Variants in PPP1R9A observed in about 807,000 individuals in gnomAD.
PPP1R9A encodes the protein neurabin-1.
Under a neutral mutation model 141.9 loss-of-function variants are expected in PPP1R9A, and 59 were observed. The observed-to-expected ratio is 0.42, with a 90% CI of 0.34 to 0.52. The LOEUF (loss-of-function observed/expected upper bound fraction) is 0.52. Ranked by LOEUF, PPP1R9A falls within the 20% of genes least tolerant of loss-of-function variation. The pLI, the probability that PPP1R9A is intolerant of heterozygous loss-of-function variation, is 0.10. For missense variants in PPP1R9A, 1,444 were observed against 1,611.9 expected, an observed-to-expected ratio of 0.90 and a Z score of 1.78; for synonymous variants, 500 against 569.7, an observed-to-expected ratio of 0.88 and a Z score of 1.74.
intron 5 of PPP1R9A, among the ~76,000 whole-genome samples, chr7:95,171,979 A>G (rs145544803): frequency 2.3e-4 from 35 of 151,798 alleles, no homozygotes; most frequent in African/African-American, 8.2e-4. Flanking sequence ...TTTAATGTTT[A>G]TGAATCAACC....
At chr7:95,164,981 C>T (rs988889675) in intron 5 of PPP1R9A, among the ~76,000 whole-genome samples, 1 of 151,870 alleles carries the variant, frequency 6.6e-6, no homozygotes, top group Admixed American at 6.6e-5. Flanking sequence ...CTGCTTTGCC[C>T]CCTTCCCCCA....
At chr7:95,015,199 T>C (rs559147214) in intron 2 of PPP1R9A, among the ~76,000 whole-genome samples, 1 of 149,796 alleles carries the variant, frequency 6.7e-6, no homozygotes, top group African/African-American at 2.5e-5. Flanking sequence ...AAACATAAAA[T>C]ATATATGTAC....
At chr7:95,160,565 T>C (rs1053455152) in intron 4 of PPP1R9A, among the ~76,000 whole-genome samples, 2 of 152,062 alleles carry the variant, frequency 1.3e-5, no homozygotes, top group African/African-American at 4.8e-5. Flanking sequence ...ATGTGCAGAT[T>C]TGTTACCTGG....
intron 5 of PPP1R9A, among the ~76,000 whole-genome samples, chr7:95,187,446 C>G (rs1563381101): frequency 6.6e-6 from 1 of 152,136 alleles, no homozygotes; most frequent in African/African-American, 2.4e-5. Flanking sequence ...TTTTGTTCAT[C>G]TTTTCAAAAA....
chr7:94,962,065 A>C (rs1450326604), intron 2 of PPP1R9A, among the ~76,000 whole-genome samples: 1 of 151,958 alleles, frequency 6.6e-6, no homozygotes, highest in African/African-American at 2.4e-5. Context: ...CCCTAGTCTT[A>C]ATTTAAATCT....
At chr7:95,079,735 T>C (rs1475460318) in intron 2 of PPP1R9A, among the ~76,000 whole-genome samples, 2 of 152,212 alleles carry the variant, frequency 1.3e-5, no homozygotes, top group Admixed American at 6.5e-5. Flanking sequence ...AAAAGGCTTA[T>C]CCACCATGAT....
intron 3 of PPP1R9A, 65 bp downstream of exon 3, chr7:95,111,456 C>T (rs1026930160): frequency 2.1e-6 from 3 of 1,414,248 alleles, no homozygotes; most frequent in East Asian, 2.4e-5. Context: ...ATTATTTTTC[C>T]AAAATGTAGC....
In PPP1R9A at chr7:95,284,081, T is replaced by TCGTTCC; in HGVS notation, c.3362_3367dup (p.Arg1121_Ser1122dup). Reference sequence around the variant, plus strand: ...CATGTTCAACAGCTCAGACCTCCACTCGTTCCCCTTGCATGCCTTTCTCAT... The same window carrying TCGTTCC: ...CATGTTCAACAGCTCAGACCTCCACTCGTTCCCGTTCCCCTTGCATGCCTTTCTCAT... On this transcript the variant is annotated inframe_insertion, in exon 17 of 20. Transcript: ENST00000433360. 6.3e-7 allele frequency: 1 copy of TCGTTCC among 1,597,416 alleles called. No individual in the cohort carries two copies. Among genetic ancestry groups the TCGTTCC allele is most frequent in the Middle Eastern group, 1.7e-4 (1 of 6,056 alleles).
chr7:94,947,094 GGTTGTTACTTTTAAGTGAAA>G, intron 2 of PPP1R9A, among the ~76,000 whole-genome samples: 1 of 152,142 alleles, frequency 6.6e-6, no homozygotes, highest in East Asian at 1.9e-4. Context: ...ACTTGAATAT[GGTTGTTACTTTTAAGTGAAA>G]GTTGTTACTT....
chr7:95,078,686 A>T lies in PPP1R9A; in HGVS notation c.1396-32573A>T, dbSNP rs576630437. Among the ~76,000 whole-genome samples the T allele has an allele frequency of 3.8e-3, 584 of 152,090 alleles. 6 individuals carry two copies. Among genetic ancestry groups the T allele is most frequent in the South Asian group, 3.3e-3 (16 of 4,812 alleles). On this transcript the variant is annotated intron_variant, in intron 2 of 19. Coordinates refer to ENST00000433360, the MANE Select transcript of PPP1R9A (RefSeq NM_001166160.2). ...TGATTGCCATTCTAACTGGTGTGAG[A>T]TGCTATCTCATTGTGGTTTTGATTT...
intron 16 of PPP1R9A, among the ~76,000 whole-genome samples, chr7:95,281,460 A>C (rs1403095152): frequency 6.6e-6 from 1 of 152,116 alleles, no homozygotes; most frequent in African/African-American, 2.4e-5. Context: ...CCTTCACCGC[A>C]CATGTAAGAA....
intron 5 of PPP1R9A, among the ~76,000 whole-genome samples, chr7:95,168,388 C>G (rs1340551077): frequency 6.6e-6 from 1 of 151,878 alleles, no homozygotes; most frequent in African/African-American, 2.4e-5. Flanking sequence ...ATATAAAAAT[C>G]AACTCAATAT....
At position 94,980,356 on chromosome 7, in the gene PPP1R9A, A is replaced by T. The variant is rs1303286447; in HGVS notation, c.1395+68848A>T. Among the ~76,000 whole-genome samples, 3 of 152,120 alleles carry T rather than the reference A, an allele frequency of 2.0e-5. No homozygotes were observed. In the East Asian group the frequency reaches 5.8e-4, roughly 29 times the overall value. ...CATTTATGTGCGTGTGTGTGTATTA[A>T]TATTGTATTAATATTACAGTTATAT... is the stretch of plus-strand genomic sequence containing the variant. On this transcript the variant is annotated intron_variant, in intron 2 of 19. Transcript: ENST00000433360.
chr7:95,259,017 G>C (rs1800030525), intron 12 of PPP1R9A, among the ~76,000 whole-genome samples: 1 of 152,242 alleles, frequency 6.6e-6, no homozygotes, highest in African/African-American at 2.4e-5. Context: ...TTGTATAGCT[G>C]CAGTAAAAAG....
intron 4 of PPP1R9A, among the ~76,000 whole-genome samples, chr7:95,140,470 A>C (rs530536220): frequency 2.0e-5 from 3 of 152,278 alleles, no homozygotes; most frequent in African/African-American, 7.2e-5. Flanking sequence ...AGCTCACTGC[A>C]GCCTTTGCCT....
intron 7 of PPP1R9A, among the ~76,000 whole-genome samples, chr7:95,219,903 G>A (rs1256515575): frequency 1.3e-5 from 2 of 151,990 alleles, no homozygotes; most frequent in Non-Finnish European, 2.9e-5. Flanking sequence ...TGTTGCATTA[G>A]TTTATGGTGT....
chr7:94,945,954 T>C (rs1019216261), intron 2 of PPP1R9A, among the ~76,000 whole-genome samples: 1 of 152,042 alleles, frequency 6.6e-6, no homozygotes, highest in African/African-American at 2.4e-5. Flanking sequence ...GCTAAAAATA[T>C]AAGAGATTCC....
chr7:95,144,731 T>C (rs1584933229), intron 4 of PPP1R9A, among the ~76,000 whole-genome samples: 1 of 152,212 alleles, frequency 6.6e-6, no homozygotes, highest in East Asian at 1.9e-4. Flanking sequence ...AGTCCTAGCC[T>C]AATAATTAGA....
chr7:95,165,390 A>C (rs1436641622), intron 5 of PPP1R9A, among the ~76,000 whole-genome samples: 1 of 152,230 alleles, frequency 6.6e-6, no homozygotes, highest in Admixed American at 6.5e-5. Context: ...ATGCCCACAC[A>C]GGGAAGACGT....
Sources: allele counts gnomAD v4.1 joint callset (sites outside exome capture counted in the v4.1 genomes callset), GRCh38; gene constraint gnomAD v4.1.1; transcripts MANE v1.5; gene names NCBI Gene and HGNC (gene_info 2026-07-23, HGNC 2026-07-21).